The following RBFOX3 variants were observed in gnomAD, a reference collection of about 807,000 sequenced individuals.
RBFOX3 encodes RNA binding fox-1 homolog 3.
In RBFOX3, 17 loss-of-function variants were observed where a neutral mutation model predicts 48.7. The ratio of observed to expected loss-of-function variants is 0.35; its 90% CI spans 0.24 to 0.52. The LOEUF (loss-of-function observed/expected upper bound fraction) is 0.52. RBFOX3 is among the 20% of genes least tolerant of loss of function. RBFOX3 has a pLI of 0.94. For synonymous variants in RBFOX3, 212 were observed against 209.5 expected (o/e 1.01, Z -0.10); for missense variants, 382 against 497.5 (o/e 0.77, Z 2.21).
chr17:79,647,901 G>A, the RBFOX3 span, among the ~76,000 whole-genome samples: 10 of 151,006 alleles, frequency 6.6e-5, no homozygotes, highest in Non-Finnish European at 1.0e-4. Flanking sequence ...TAGAGACAGA[G>A]CCCACCTGGG....
At chr17:79,476,969 C>A (rs1245632429) in intron 2 of RBFOX3, among the ~76,000 whole-genome samples, 1 of 151,956 alleles carries the variant, frequency 6.6e-6, no homozygotes, top group Non-Finnish European at 1.5e-5. Flanking sequence ...GGAAGGTGCT[C>A]ACCCTGTAAC....
rs1177850409 is a variant in RBFOX3, at chr17:79,535,990, C to T, written c.-319-53392G>A. ...ACAGCTTCCTAAGCACTGACAGGCC[C>T]TCTCTGTCCTCCCTCTCCCCACTTT... On this transcript the variant is annotated intron_variant, in intron 1 of 14. Coordinates refer to ENST00000693108, the MANE Select transcript of RBFOX3 (RefSeq NM_001350451.2). This position sits in a 1 kb window ranked among gnomAD's most constrained non-coding sequence, Gnocchi z 4.5. 6.6e-6 allele frequency among the ~76,000 whole-genome samples: 1 copy of T among 152,206 alleles called. No homozygotes were observed. The highest frequency in any genetic ancestry group is 6.5e-5 in the Admixed American group (1 of 15,282).
At position 79,142,309 on chromosome 17, in the gene RBFOX3, G is replaced by A. The variant is rs968253095; in HGVS notation, c.-33-26561C>T. Among the ~76,000 whole-genome samples the A allele has an allele frequency of 2.0e-5, 3 of 152,340 alleles. No individual in the cohort carries two copies. The East Asian group carries it at 5.8e-4, about 29-fold the overall frequency. On this transcript the variant is annotated intron_variant, in intron 4 of 14. Transcript: ENST00000693108. ...AGGTGGCTGCGGAGCCTCCAGGGGTGGGAGCAGCCCCGTTGGAGAGGCAGG... is the reference window on the plus strand; with the variant it reads ...AGGTGGCTGCGGAGCCTCCAGGGGTAGGAGCAGCCCCGTTGGAGAGGCAGG...
At chr17:79,550,685 GTGGATGGGTAGA>G (rs1214865193) in intron 1 of RBFOX3, among the ~76,000 whole-genome samples, 10 of 152,260 alleles carry the variant, frequency 6.6e-5, no homozygotes, top group African/African-American at 2.4e-4. Context: ...GGATAGGTAG[GTGGATGGGTAGA>G]TGGATGAGTG....
intron 4 of RBFOX3, among the ~76,000 whole-genome samples, chr17:79,119,974 T>A (rs185552417): frequency 6.6e-6 from 1 of 152,292 alleles, no homozygotes; most frequent in East Asian, 1.9e-4. Context: ...CCTGATAGGG[T>A]ACGTGAATGC....
At chr17:79,630,544 T>G in the RBFOX3 span, among the ~76,000 whole-genome samples, 19 of 152,282 alleles carry the variant, frequency 1.2e-4, no homozygotes, top group African/African-American at 4.6e-4. Context: ...ATCAGGATGT[T>G]AGGGGCTCTC....
At chr17:79,653,141 T>C in the RBFOX3 span, among the ~76,000 whole-genome samples, 1 of 152,178 alleles carries the variant, frequency 6.6e-6, no homozygotes, top group Non-Finnish European at 1.5e-5. Context: ...TAGGATATTA[T>C]AAGAGAATGT....
At chr17:79,627,834 G>GC in the RBFOX3 span, among the ~76,000 whole-genome samples, 1 of 152,196 alleles carries the variant, frequency 6.6e-6, no homozygotes, top group Admixed American at 6.5e-5. Flanking sequence ...GCTTCCAAGT[G>GC]CCCCCTGCAA....
chr17:79,110,865 C>T (rs998224801), intron 5 of RBFOX3, among the ~76,000 whole-genome samples: 2 of 152,274 alleles, frequency 1.3e-5, no homozygotes, highest in Admixed American at 6.5e-5. Flanking sequence ...AGGGGCATCT[C>T]AGCTGAGCCT....
At chr17:79,432,742 G>A (rs1020941208) in intron 2 of RBFOX3, among the ~76,000 whole-genome samples, 7 of 152,008 alleles carry the variant, frequency 4.6e-5, no homozygotes, top group African/African-American at 7.2e-5. Flanking sequence ...AAAAGCTAAC[G>A]TGGTACAAGC....
chr17:79,240,799 G>A (rs1054103750), intron 3 of RBFOX3, among the ~76,000 whole-genome samples: 1 of 151,984 alleles, frequency 6.6e-6, no homozygotes, highest in African/African-American at 2.4e-5. Flanking sequence ...AAGTAGCTGG[G>A]ACTACAGGCA....
At chr17:79,128,158 CA>C (rs1362876846) in intron 4 of RBFOX3, among the ~76,000 whole-genome samples, 2 of 152,204 alleles carry the variant, frequency 1.3e-5, no homozygotes, top group Non-Finnish European at 2.9e-5. Context: ...ATTCCATGCT[CA>C]GGGGTCCCCC....
rs1308396405 is a variant in RBFOX3 at position 79,432,711 on chromosome 17, GCAGA to G, written c.-175+49739_-175+49742del. Among the ~76,000 whole-genome samples, 5 of 151,954 alleles carry G rather than the reference GCAGA, an allele frequency of 3.3e-5. No individual in the cohort carries two copies. The East Asian group carries it at 9.7e-4, about 29-fold the overall frequency. On this transcript the variant is annotated intron_variant, in intron 2 of 14. Transcript: ENST00000693108. ...TGAGAAACCAGGGAGATGCCCTAAG[GCAGA>G]CAAAGGGGAAAAAAAAAAAAGCTAA...
chr17:79,222,586 C>T (rs190941227), intron 4 of RBFOX3, among the ~76,000 whole-genome samples: 94 of 152,336 alleles, frequency 6.2e-4, no homozygotes, highest in African/African-American at 2.1e-3. Context: ...TCCTCTCGCA[C>T]GTGTCCAGAA....
At chr17:79,102,080 C>G (rs1340703465) in intron 8 of RBFOX3, among the ~76,000 whole-genome samples, 1 of 152,178 alleles carries the variant, frequency 6.6e-6, no homozygotes, top group African/African-American at 2.4e-5. Flanking sequence ...CTGGATGATG[C>G]CCCCCTCCCC....
intron 2 of RBFOX3, among the ~76,000 whole-genome samples, chr17:79,395,215 C>T (rs1253950208): frequency 1.3e-5 from 2 of 152,212 alleles, no homozygotes; most frequent in Admixed American, 6.5e-5. Flanking sequence ...GAGCTGACAC[C>T]GGACCCAGCA....
intron 4 of RBFOX3, among the ~76,000 whole-genome samples, chr17:79,170,012 G>A (rs1489702751): frequency 6.7e-6 from 1 of 150,212 alleles, no homozygotes; most frequent in East Asian, 2.0e-4. Flanking sequence ...GAGGAAAGAA[G>A]GAGGGAAGGG....
At chr17:79,146,814 C>T (rs368131964) in intron 4 of RBFOX3, among the ~76,000 whole-genome samples, 77 of 152,316 alleles carry the variant, frequency 5.1e-4, no homozygotes, top group African/African-American at 1.8e-3. Context: ...GATGGTGGGT[C>T]TCCTCTCTGC....
chr17:79,095,398 C>T (rs535368074), intron 13 of RBFOX3, 115 bp downstream of exon 13: 35 of 922,344 alleles, frequency 3.8e-5, no homozygotes, highest in Non-Finnish European at 4.6e-5. Context: ...ACCCTACTCC[C>T]GCCAGGCCTG....
Sources: gnomAD v4.1 joint callset for allele counts (sites outside exome capture counted in the v4.1 genomes callset) on GRCh38, gnomAD v4.1.1 for gene constraint, Gnocchi (gnomAD v3.1) non-coding constraint, MANE v1.5 for transcripts, NCBI Gene and HGNC (gene_info 2026-07-23, HGNC 2026-07-21) for gene names.